Variants in RALB observed in about 807,000 individuals in gnomAD.
The protein encoded by RALB is RAS like proto-oncogene B.
In RALB, 16 loss-of-function variants were observed where a neutral mutation model predicts 21.3. That is an observed-to-expected ratio of 0.75 (90% CI 0.51 to 1.14). The LOEUF (loss-of-function observed/expected upper bound fraction) is 1.14, where lower values mean the gene tolerates loss of function less well. Among genes scored for constraint, RALB ranks in the 50% most tolerant of loss-of-function variants. RALB has a pLI of 0.00. For synonymous variants in RALB, 93 were observed against 96.1 expected (o/e 0.97, Z 0.19); for missense variants, 161 against 256.2 (o/e 0.63, Z 2.54).
At chr2:120,256,856 C>T (rs1689212068) in intron 1 of RALB, among the ~76,000 whole-genome samples, 1 of 152,156 alleles carries the variant, frequency 6.6e-6, no homozygotes, top group Admixed American at 6.6e-5. Flanking sequence ...TGGAGGCTAG[C>T]CACCACAACT....
At chr2:120,281,796 A>G (rs943304886) in intron 2 of RALB, among the ~76,000 whole-genome samples, 11 of 152,212 alleles carry the variant, frequency 7.2e-5, no homozygotes, top group African/African-American at 1.9e-4. Flanking sequence ...TTTCTCCCCT[A>G]TAACAGAGGT....
intron 1 of RALB, among the ~76,000 whole-genome samples, chr2:120,245,518 G>A (rs538315822): frequency 2.3e-4 from 35 of 152,268 alleles, no homozygotes; most frequent in African/African-American, 7.2e-4. Flanking sequence ...CCTGTCTGGG[G>A]TCAAGGCAGG....
intron 1 of RALB, chr2:120,240,155 C>T (rs1479996964): frequency 7.8e-7 from 1 of 1,289,542 alleles, no homozygotes; most frequent in Non-Finnish European, 1.0e-6. Context: ...GTGGATTGCA[C>T]TTCGAAGCCC....
At chr2:120,263,072 C>T (rs1345474350) in intron 1 of RALB, among the ~76,000 whole-genome samples, 1 of 152,234 alleles carries the variant, frequency 6.6e-6, no homozygotes, top group Non-Finnish European at 1.5e-5. Context: ...AGTATCTTGC[C>T]TTATCTCTTT....
rs547733377 is a variant in RALB, at chr2:120,288,342, G to GTTTTTTTTTTTTTTTTTTTTTTT, written c.324-1227_324-1226insTTTTTTTTTTTTTTTTTTTTTTT. On this transcript the variant is annotated intron_variant, in intron 3 of 4. Coordinates refer to ENST00000272519, the MANE Select transcript of RALB (RefSeq NM_002881.3). ...TTAAATTGACTACATGAAAATTTTA[G>GTTTTTTTTTTTTTTTTTTTTTTT]TTTTTTTTTTTGTTTTTTTTTTTGT... Among the ~76,000 whole-genome samples, 3 of 117,092 alleles carry GTTTTTTTTTTTTTTTTTTTTTTT rather than the reference G, an allele frequency of 2.6e-5. 1 individual carries two copies. The highest frequency in any genetic ancestry group is 5.0e-5 in the Non-Finnish European group (3 of 60,192). The allele number at this position is 117,092 out of a possible 152,430, so 76.8% of individuals were successfully genotyped here. A position where few individuals can be genotyped will look rare whatever the true frequency, so the allele number is the denominator to read the frequency against.
At chr2:120,245,982 C>T (rs116435481) in intron 1 of RALB, among the ~76,000 whole-genome samples, 3 of 152,218 alleles carry the variant, frequency 2.0e-5, no homozygotes, top group Non-Finnish European at 4.4e-5. Flanking sequence ...GGTGGTCTTA[C>T]CTCCTGGTGG....
intron 1 of RALB, among the ~76,000 whole-genome samples, chr2:120,270,958 G>A (rs1417943573): frequency 6.6e-6 from 1 of 152,166 alleles, no homozygotes; most frequent in Non-Finnish European, 1.5e-5. Flanking sequence ...GTTATTGGCA[G>A]GTGTGTAATG....
intron 1 of RALB, among the ~76,000 whole-genome samples, chr2:120,267,672 C>T (rs530830844): frequency 7.2e-4 from 109 of 152,338 alleles, no homozygotes; most frequent in African/African-American, 2.5e-3. Context: ...GCAGCTGCTC[C>T]ACAGCACCAG....
In RALB at chr2:120,285,873, G is replaced by A. The variant is rs766122086; in HGVS notation, c.115-1G>A. The A allele has an allele frequency of 6.2e-7, 1 of 1,611,784 alleles. No individual in the cohort carries two copies. Among genetic ancestry groups the A allele is most frequent in the Non-Finnish European group, 8.5e-7 (1 of 1,178,090 alleles). ...ATTACCGATAATGTTTATTTCCTCA[G>A]TTTGTAGAAGACTATGAACCTACCA... On this transcript the variant is annotated splice_acceptor_variant, in intron 2 of 4. Transcript: ENST00000272519. LOFTEE classifies it high-confidence loss of function.
intron 1 of RALB, among the ~76,000 whole-genome samples, chr2:120,277,546 G>T (rs1689840005): frequency 6.6e-6 from 1 of 152,162 alleles, no homozygotes; most frequent in Non-Finnish European, 1.5e-5. Context: ...TTGTGTGTGT[G>T]TGTGAAAGCG....
At chr2:120,275,357 T>C (rs1015789420) in intron 1 of RALB, among the ~76,000 whole-genome samples, 5 of 152,226 alleles carry the variant, frequency 3.3e-5, no homozygotes, top group Non-Finnish European at 7.3e-5. Context: ...GAACTGCCGC[T>C]CTTACTGCTC....
chr2:120,262,801 C>G (rs1689400388), intron 1 of RALB, among the ~76,000 whole-genome samples: 1 of 152,156 alleles, frequency 6.6e-6, no homozygotes, highest in East Asian at 1.9e-4. Context: ...GCAAATTACG[C>G]TGTGTTTTGG....
chr2:120,247,946 G>C (rs1444287241), upstream of RALB, among the ~76,000 whole-genome samples: 1 of 152,198 alleles, frequency 6.6e-6, no homozygotes, highest in East Asian at 1.9e-4. Context: ...AATGGGAATG[G>C]AGCTGTAACT....
upstream of RALB, among the ~76,000 whole-genome samples, chr2:120,248,092 G>T (rs769301780): frequency 1.3e-5 from 2 of 152,180 alleles, no homozygotes. Flanking sequence ...GAGAAGGGCC[G>T]AGGGCAAGCT....
At chr2:120,277,642 A>G (rs556240061) in intron 1 of RALB, among the ~76,000 whole-genome samples, 1 of 144,256 alleles carries the variant, frequency 6.9e-6, no homozygotes, top group Non-Finnish European at 1.5e-5. Flanking sequence ...GTACATGAGC[A>G]CAAATTTGAA....
At chr2:120,269,044 G>A (rs1280808102) in intron 1 of RALB, among the ~76,000 whole-genome samples, 3 of 152,170 alleles carry the variant, frequency 2.0e-5, no homozygotes, top group Non-Finnish European at 2.9e-5. Context: ...TCTGGACATT[G>A]TTCCTGGTCA....
rs1690343807 is a variant in RALB, at chr2:120,293,027, T to C, written c.502-114T>C. On this transcript the variant is annotated intron_variant, in intron 4 of 4. Coordinates refer to ENST00000272519, the MANE Select transcript of RALB (RefSeq NM_002881.3). ...TAACTACATATCCTGCTTAGTCAAA[T>C]TATTTCATTGAATCCTTAAATGCTG... 9 of 1,124,718 alleles carry C rather than the reference T, an allele frequency of 8.0e-6. No individual in the cohort carries two copies. The East Asian group carries it at 2.7e-4, about 34-fold the overall frequency. 69.7% of individuals were successfully genotyped at this position (1,124,718 alleles called of 1,614,324 possible).
intron 1 of RALB, among the ~76,000 whole-genome samples, chr2:120,255,728 T>C (rs1689184467): frequency 6.6e-6 from 1 of 152,204 alleles, no homozygotes; most frequent in African/African-American, 2.4e-5. Context: ...GTTTGTCACT[T>C]TAAAAAAAGT....
intron 1 of RALB, among the ~76,000 whole-genome samples, chr2:120,273,534 A>G (rs1448503492): frequency 6.6e-6 from 1 of 152,204 alleles, no homozygotes; most frequent in Non-Finnish European, 1.5e-5. Flanking sequence ...CCATAATTCT[A>G]ATCTCCTGGC....
Sources: allele counts gnomAD v4.1 joint callset (sites outside exome capture counted in the v4.1 genomes callset), GRCh38; gene constraint gnomAD v4.1.1; transcripts MANE v1.5; gene names NCBI Gene and HGNC (gene_info 2026-07-23, HGNC 2026-07-21).